RP1: variants seen among roughly 807,000 people sequenced by gnomAD.
RP1 encodes oxygen-regulated protein 1.
Under a neutral mutation model 14.8 loss-of-function variants are expected in RP1, and 16 were observed. That is an observed-to-expected ratio of 1.08 (90% CI 0.73 to 1.65). The LOEUF (loss-of-function observed/expected upper bound fraction) is 1.65, where lower values mean the gene tolerates loss of function less well. Ranked by LOEUF, RP1 falls within the 40% of genes most tolerant of loss-of-function variation. RP1 has a pLI of 0.00. For missense variants in RP1, 2,631 were observed against 2,535.0 expected (o/e 1.04, Z -0.81); for synonymous variants, 876 against 883.6 (o/e 0.99, Z 0.15).
intron 1 of RP1, among the ~76,000 whole-genome samples, chr8:54,585,509 C>A (rs1260387965): frequency 6.6e-6 from 1 of 152,078 alleles, no homozygotes; most frequent in Non-Finnish European, 1.5e-5. Flanking sequence ...ATCTTTGTGG[C>A]GTTCTCTGTA....
At chr8:54,738,054 G>A (rs1464189903) in intron 18 of RP1, among the ~76,000 whole-genome samples, 1 of 152,134 alleles carries the variant, frequency 6.6e-6, no homozygotes, top group East Asian at 1.9e-4. Context: ...CTGCTTATAA[G>A]TCTGTCTCCC....
At chr8:54,607,082 G>A (rs13265487) in intron 1 of RP1, among the ~76,000 whole-genome samples, 1 of 151,950 alleles carries the variant, frequency 6.6e-6, no homozygotes, top group African/African-American at 2.4e-5. Context: ...TTCCATTGCT[G>A]GTGAGGAGCT....
chr8:54,746,019 C>A lies in RP1; in HGVS notation c.2808+6990C>A, dbSNP rs559250289. 5.3e-5 allele frequency among the ~76,000 whole-genome samples: 8 copies of A among 152,314 alleles called. No individual in the cohort carries two copies. The South Asian group carries it at 1.2e-3, about 24-fold the overall frequency. On this transcript the variant is annotated intron_variant, in intron 19 of 22. Coordinates refer to the RP1 transcript ENST00000636932. ...TGATTGTTTTCACAATGACCAAAGG[C>A]TGCCTTTTGTGGACTTGGAAAATCT... is the stretch of plus-strand genomic sequence containing the variant.
chr8:54,862,864 C>T (rs937059225), intron 27 of RP1, among the ~76,000 whole-genome samples: 1 of 151,892 alleles, frequency 6.6e-6, no homozygotes, highest in African/African-American at 2.4e-5. Context: ...TGCAGAAATG[C>T]CAAGAAAGGG....
intron 22 of RP1, among the ~76,000 whole-genome samples, chr8:54,762,199 A>T (rs1036333100): frequency 1.3e-4 from 20 of 152,028 alleles, no homozygotes; most frequent in African/African-American, 4.8e-4. Flanking sequence ...AAGGAAAGAA[A>T]ATCTCGGTCA....
At chr8:54,744,463 T>A (rs1172161274) in intron 19 of RP1, among the ~76,000 whole-genome samples, 1 of 152,222 alleles carries the variant, frequency 6.6e-6, no homozygotes, top group Non-Finnish European at 1.5e-5. Flanking sequence ...AAAGGCAAAG[T>A]GTCTATTTGC....
intron 25 of RP1, among the ~76,000 whole-genome samples, chr8:54,848,238 C>A (rs1194203721): frequency 2.0e-5 from 3 of 152,138 alleles, no homozygotes; most frequent in Non-Finnish European, 2.9e-5. Context: ...GCTTAGGAGT[C>A]TCTGGCAATT....
chr8:54,590,298 C>T (rs996188211), intron 1 of RP1, among the ~76,000 whole-genome samples: 2 of 152,156 alleles, frequency 1.3e-5, no homozygotes, highest in Non-Finnish European at 2.9e-5. Flanking sequence ...TTCACAGAAA[C>T]ATTCCAGCAA....
intron 12 of RP1, among the ~76,000 whole-genome samples, chr8:54,681,589 A>G (rs187217577): frequency 6.6e-6 from 1 of 152,014 alleles, no homozygotes; most frequent in African/African-American, 2.4e-5. Flanking sequence ...TTTGTTACAC[A>G]GGTAAACGTG....
intron 19 of RP1, among the ~76,000 whole-genome samples, chr8:54,752,723 C>T (rs960219551): frequency 6.6e-6 from 1 of 152,094 alleles, no homozygotes; most frequent in Non-Finnish European, 1.5e-5. Flanking sequence ...CACACTGGGA[C>T]CATGTAGACA....
intron 28 of RP1, among the ~76,000 whole-genome samples, chr8:54,867,386 G>T (rs1812482094): frequency 6.6e-6 from 1 of 152,118 alleles, no homozygotes; most frequent in Admixed American, 6.6e-5. Context: ...TCTAGGAAGA[G>T]ACCTTGTATT....
exon 16 of RP1, chr8:54,720,306 T>C (rs750373980): frequency 2.0e-6 from 3 of 1,534,234 alleles, no homozygotes; most frequent in Non-Finnish European, 2.6e-6. Context: ...AGTCATCCAA[T>C]GTATGTTTAC....
intron 7 of RP1, among the ~76,000 whole-genome samples, chr8:54,664,614 G>C (rs1181229091): frequency 6.6e-6 from 1 of 151,984 alleles, no homozygotes; most frequent in African/African-American, 2.4e-5. Flanking sequence ...CATTGCTTTC[G>C]ATGTACATTT....
chr8:54,628,556 G>T lies in RP1; in HGVS notation c.4674G>T (p.Lys1558Asn). The change falls in exon 4 of 4, where the codon AAG becomes AAT. Residue 1558 changes from lysine to asparagine, a missense_variant. Transcript: ENST00000220676. ...SEKETNEGETKMVKMMVKTME... is the reference protein window; with the variant it reads ...SEKETNEGETNMVKMMVKTME... ...AGGAGACCAATGAAGGAGAAACTAAGATGGTAAAAATGATGGTGAAAACTA... is the reference window on the plus strand; with the variant it reads ...AGGAGACCAATGAAGGAGAAACTAATATGGTAAAAATGATGGTGAAAACTA... 6.2e-7 allele frequency: 1 copy of T among 1,613,934 alleles called. No individual in the cohort carries two copies.
chr8:54,746,600 A>G (rs1390869015), intron 19 of RP1, among the ~76,000 whole-genome samples: 2 of 152,230 alleles, frequency 1.3e-5, no homozygotes, highest in Non-Finnish European at 2.9e-5. Context: ...AAGAAAGATA[A>G]GCATACATGT....
chr8:54,865,213 A>C (rs1351083949), intron 27 of RP1, among the ~76,000 whole-genome samples: 1 of 151,960 alleles, frequency 6.6e-6, no homozygotes. Context: ...AATTTTTCTC[A>C]TCACTCTTAA....
rs182859821 is a variant in RP1 at position 54,577,918 on chromosome 8, G to C, written c.-13+18598G>C. On this transcript the variant is annotated intron_variant, in intron 1 of 22. Coordinates refer to the RP1 transcript ENST00000636932. ...GAAGCTTGGTAGACATTTTCAGAGA[G>C]GAGGAGATGAAAGCATGACAAACAT... Among the ~76,000 whole-genome samples, 325 of 151,840 alleles carry C rather than the reference G, an allele frequency of 2.1e-3. 5 individuals carry two copies. In the South Asian group the frequency reaches 0.042, roughly 20 times the overall value.
chr8:54,834,386 G>T (rs1449349836), intron 24 of RP1, among the ~76,000 whole-genome samples: 1 of 152,022 alleles, frequency 6.6e-6, no homozygotes, highest in Admixed American at 6.6e-5. Flanking sequence ...AGCCTTTTAA[G>T]ATTTTTGAGG....
chr8:54,867,486 AC>A (rs1348372256), intron 28 of RP1, among the ~76,000 whole-genome samples: 1 of 152,180 alleles, frequency 6.6e-6, no homozygotes, highest in Non-Finnish European at 1.5e-5. Flanking sequence ...TAATGGCATT[AC>A]TTACTAGCTC....
Sources: gnomAD v4.1 joint callset for allele counts (sites outside exome capture counted in the v4.1 genomes callset) on GRCh38, gnomAD v4.1.1 for gene constraint, MANE v1.5 for transcripts, NCBI Gene and HGNC (gene_info 2026-07-23, HGNC 2026-07-21) for gene names.